Variants in TACR2 observed in about 807,000 individuals in gnomAD.
The protein encoded by TACR2 is tachykinin receptor 2.
TACR2 carries 24 observed loss-of-function variants against 28.9 expected under a neutral mutation model. That is an observed-to-expected ratio of 0.83 (90% CI 0.60 to 1.17). The LOEUF is 1.17. Ranked by LOEUF, TACR2 falls within the 50% of genes most tolerant of loss-of-function variation. The pLI, the probability that TACR2 is intolerant of heterozygous loss-of-function variation, is 0.00. For synonymous variants in TACR2, 222 were observed against 212.6 expected, an observed-to-expected ratio of 1.04 and a Z score of -0.38; for missense variants, 487 against 524.4, an observed-to-expected ratio of 0.93 and a Z score of 0.70.
At position 69,415,169 on chromosome 10, in the gene TACR2, G is replaced by A. The variant is rs376335183; in HGVS notation, c.393-30C>T. ...GAGCAGAGGGCAGCTTGAGCGGCAG[G>A]GGCCCTCCTGTTAGCCCAGCTCCCT... is the stretch of plus-strand genomic sequence containing the variant. On this transcript the variant is annotated intron_variant, in intron 1 of 4. Coordinates refer to ENST00000373306, the MANE Select transcript of TACR2 (RefSeq NM_001057.3). 68 of 1,591,834 alleles carry A rather than the reference G, an allele frequency of 4.3e-5. 1 individual carries two copies. The South Asian group carries it at 6.4e-4, about 15-fold the overall frequency.
intron 4 of TACR2, 122 bp from the exon 5 acceptor site, chr10:69,405,206 C>G: frequency 1.3e-6 from 1 of 771,338 alleles, no homozygotes; most frequent in Non-Finnish European, 2.0e-6. Flanking sequence ...TCTCCAAGAG[C>G]CTCCCATGGC....
Position 69,414,938 on chromosome 10 carries a change from G to A in TACR2, c.587+7C>T. 6.2e-7 allele frequency: 1 copy of A among 1,605,368 alleles called. No individual in the cohort carries two copies. The highest frequency in any genetic ancestry group is 8.5e-7 in the Non-Finnish European group (1 of 1,173,840). On this transcript the variant is annotated splice_region_variant and intron_variant, in intron 2 of 4. Transcript: ENST00000373306. Reference sequence around the variant, plus strand: ...TGTTGCCCTCCACAATCCCCCAGAGGCCTTACAGGAGGAGCGTCTTGCCCC... The same window carrying A: ...TGTTGCCCTCCACAATCCCCCAGAGACCTTACAGGAGGAGCGTCTTGCCCC...
At position 69,416,307 on chromosome 10, in the gene TACR2, A is replaced by G; in HGVS notation, c.17T>C (p.Ile6Thr). 1 of 1,594,656 alleles carries G rather than the reference A, an allele frequency of 6.3e-7. No homozygotes were observed. Among genetic ancestry groups the G allele is most frequent in the African/African-American group, 1.3e-5 (1 of 74,776 alleles). Reference protein sequence around the residue: MGTCDIVTEANISSGP... With the variant: MGTCDTVTEANISSGP... Reference sequence around the variant, plus strand: ...AGATGAGATATTGGCTTCAGTCACAATGTCACAGGTCCCCATGGCTGCTTC... The same window carrying G: ...AGATGAGATATTGGCTTCAGTCACAGTGTCACAGGTCCCCATGGCTGCTTC... Residue 6 changes from isoleucine (I) to threonine (T), a missense_variant, in exon 1 of 5, where the codon ATT becomes ACT. Ile to Thr is a moderately conservative substitution (Grantham distance 89, BLOSUM62 -1). Transcript: ENST00000373306.
At chr10:69,414,237 A>T (rs1564582334) in intron 2 of TACR2, among the ~76,000 whole-genome samples, 1 of 152,186 alleles carries the variant, frequency 6.6e-6, no homozygotes, top group South Asian at 2.1e-4. Flanking sequence ...TGCCCACCTC[A>T]GCAGCCTGAA....
chr10:69,416,074 C>A lies in TACR2; in HGVS notation c.250G>T (p.Ala84Ser), dbSNP rs140747373. The A allele has an allele frequency of 3.2e-4, 521 of 1,614,092 alleles. No individual in the cohort carries two copies. The highest frequency in any genetic ancestry group is 4.3e-4 in the Non-Finnish European group (506 of 1,180,034). Reference sequence around the variant, plus strand: ...ACAAAGTTGAAGGCGGCATTGAAGGCAGCCATGCAGAGGTCAGCCAGCGCC... The same window carrying A: ...ACAAAGTTGAAGGCGGCATTGAAGGAAGCCATGCAGAGGTCAGCCAGCGCC... ...NLALADLCMA[A>S]FNAAFNFVYA... is the part of the protein sequence containing the mutation. Residue 84 changes from alanine to serine, a missense_variant, in exon 1 of 5, where the codon GCC (alanine) becomes TCC (serine). Coordinates refer to ENST00000373306, the MANE Select transcript of TACR2 (RefSeq NM_001057.3).
chr10:69,416,143 G>T lies in TACR2; in HGVS notation c.181C>A (p.His61Asn), dbSNP rs1840616740. Residue 61 changes from histidine (H) to asparagine (N), a missense_variant, in exon 1 of 5, where the codon CAT (histidine) becomes AAT (asparagine). By Grantham distance (68) the His-to-Asn change is moderately conservative. Coordinates refer to ENST00000373306, the MANE Select transcript of TACR2 (RefSeq NM_001057.3). ...TTGGTGACTGTGCGCATCCTCCGAT[G>T]GGCCAGGATGATCCAGATGACGATG... is the stretch of plus-strand genomic sequence containing the variant. ...NAIVIWIILA[H>N]RRMRTVTNYF... 1 of 1,614,222 alleles carries T rather than the reference G, an allele frequency of 6.2e-7. No homozygotes were observed. The highest frequency in any genetic ancestry group is 1.3e-5 in the African/African-American group (1 of 75,058).
In TACR2 at chr10:69,404,777, C is replaced by T. The variant is rs201825115; in HGVS notation, c.*49G>A. 2.4e-5 allele frequency: 24 copies of T among 1,011,318 alleles called. No individual in the cohort carries two copies. Among genetic ancestry groups the T allele is most frequent in the Non-Finnish European group, 3.3e-5 (23 of 699,872 alleles). 62.6% of individuals were successfully genotyped at this position (1,011,318 alleles called of 1,614,324 possible). On this transcript the variant is annotated 3_prime_UTR_variant, in exon 5 of 5. Coordinates refer to ENST00000373306, the MANE Select transcript of TACR2 (RefSeq NM_001057.3). ...ATTCATAAGGGATCCATCCCCAATACCCAAACACCTCCCACTAACCCCTAC... is the reference window on the plus strand; with the variant it reads ...ATTCATAAGGGATCCATCCCCAATATCCAAACACCTCCCACTAACCCCTAC...
Position 69,407,389 on chromosome 10 carries a change from A to T in TACR2, c.742-109T>A, listed in dbSNP as rs7097971. ...CACCCACCTGGGAACTGCTCCACAC[A>T]CAGACCCCGTTAGCTCTATTACTCA... On this transcript the variant is annotated intron_variant, in intron 3 of 4. Coordinates refer to ENST00000373306, the MANE Select transcript of TACR2 (RefSeq NM_001057.3). The T allele has an allele frequency of 0.022, 23,663 of 1,059,266 alleles. 2,354 individuals are homozygous for T. The African/African-American group carries it at 0.26, about 12-fold the overall frequency. 65.6% of individuals were successfully genotyped at this position (1,059,266 alleles called of 1,614,324 possible).
intron 2 of TACR2, among the ~76,000 whole-genome samples, chr10:69,412,795 A>G (rs1222237023): frequency 6.6e-6 from 1 of 152,198 alleles, no homozygotes; most frequent in African/African-American, 2.4e-5. Context: ...CTAGGTCTCC[A>G]TGCAGAAGGC....
chr10:69,410,863 C>T lies in TACR2; in HGVS notation c.588-1788G>A, dbSNP rs564037286. Among the ~76,000 whole-genome samples the T allele has an allele frequency of 2.6e-5, 4 of 152,286 alleles. No homozygotes were observed. In the East Asian group the frequency reaches 5.8e-4, roughly 22 times the overall value. ...TGCCTTTGGTTGTCTTGCTGGAGCA[C>T]GAATACCCTTTCCCTATGGTATCTA... On this transcript the variant is annotated intron_variant, in intron 2 of 4. Coordinates refer to ENST00000373306, the MANE Select transcript of TACR2 (RefSeq NM_001057.3).
rs764437022 is a variant in TACR2, at chr10:69,415,999, G to A, written c.325C>T (p.Gln109Ter). 1 of 1,614,254 alleles carries A rather than the reference G, an allele frequency of 6.2e-7. No homozygotes were observed. The highest frequency in any genetic ancestry group is 1.7e-5 in the Admixed American group (1 of 60,032). Residue 109 changes from glutamine to a stop codon, truncating the protein, a stop_gained, in exon 1 of 5, where the codon CAG becomes TAG. Transcript: ENST00000373306. LOFTEE classifies it high-confidence loss of function. Reference sequence around the variant, plus strand: ...ATGGCTGTGATGGGGAAGAGGTTCTGGAAGTAGCAGAAGGCACGGCCAAAG... The same window carrying A: ...ATGGCTGTGATGGGGAAGAGGTTCTAGAAGTAGCAGAAGGCACGGCCAAAG... ...WYFGRAFCYF[Q>*]NLFPITAMFV...
intron 3 of TACR2, 83 bp from the exon 4 acceptor site, chr10:69,407,363 G>C (rs10998762): frequency 7.3e-7 from 1 of 1,376,334 alleles, no homozygotes; most frequent in Non-Finnish European, 9.9e-7. Context: ...AGGACCCCTT[G>C]CACCCACCTG....
intron 2 of TACR2, among the ~76,000 whole-genome samples, chr10:69,414,029 G>T (rs1840590372): frequency 6.6e-6 from 1 of 152,130 alleles, no homozygotes; most frequent in Non-Finnish European, 1.5e-5. Context: ...CCACGACTTG[G>T]GCCTGACTGA....
chr10:69,409,884 TATATAC>T (rs1840548812), intron 2 of TACR2, among the ~76,000 whole-genome samples: 1 of 11,598 alleles, frequency 8.6e-5, no homozygotes, highest in Non-Finnish European at 1.6e-4. Flanking sequence ...TATATATACA[TATATAC>T]ATATATATAT....
chr10:69,413,335 CT>C (rs896678640), intron 2 of TACR2, among the ~76,000 whole-genome samples: 8 of 152,248 alleles, frequency 5.3e-5, no homozygotes, highest in African/African-American at 1.9e-4. Flanking sequence ...TAGCCCACCC[CT>C]GCCCGCCTGT....
Position 69,404,688 on chromosome 10 carries a change from T to G in TACR2, c.*138A>C. ...CACCACACTCTTTCTAACAACTTGT[T>G]ATTTTGGGAACTAGTCCATTCCCAC... On this transcript the variant is annotated 3_prime_UTR_variant, in exon 5 of 5. Transcript: ENST00000373306. 1 of 479,574 alleles carries G rather than the reference T, an allele frequency of 2.1e-6. No homozygotes were observed. Among genetic ancestry groups the G allele is most frequent in the Non-Finnish European group, 3.6e-6 (1 of 276,118 alleles). 29.7% of individuals were successfully genotyped at this position (479,574 alleles called of 1,614,324 possible). A position where few individuals can be genotyped will look rare whatever the true frequency, so the allele number is the denominator to read the frequency against.
At chr10:69,408,651 GC>G (rs1840526780) in intron 3 of TACR2, among the ~76,000 whole-genome samples, 2 of 152,120 alleles carry the variant, frequency 1.3e-5, no homozygotes, top group Admixed American at 1.3e-4. Context: ...AGGCAAATCC[GC>G]CCGGCTGGGA....
intron 2 of TACR2, among the ~76,000 whole-genome samples, chr10:69,409,874 TATATATACATATA>T (rs1840547660): frequency 4.9e-5 from 1 of 20,392 alleles, no homozygotes; most frequent in African/African-American, 3.3e-4. Context: ...TGTATATATA[TATATATACATATA>T]TACATATATA....
intron 2 of TACR2, among the ~76,000 whole-genome samples, chr10:69,413,568 A>T (rs1840586413): frequency 6.6e-6 from 1 of 152,250 alleles, no homozygotes; most frequent in South Asian, 2.1e-4. Context: ...GACCCTGGGC[A>T]GGGCCTGCCC....
Sources: allele counts gnomAD v4.1 joint callset (sites outside exome capture counted in the v4.1 genomes callset), GRCh38; gene constraint gnomAD v4.1.1; transcripts MANE v1.5; gene names NCBI Gene and HGNC (gene_info 2026-07-23, HGNC 2026-07-21).